Variants in TGDS observed in about 807,000 individuals in gnomAD.
The protein encoded by TGDS is TDP-glucose 4,6-dehydratase.
In TGDS, 47 loss-of-function variants were observed where a neutral mutation model predicts 52.3. That is an observed-to-expected ratio of 0.90 (90% CI 0.71 to 1.15). The LOEUF (loss-of-function observed/expected upper bound fraction) is 1.15. Ranked by LOEUF, TGDS falls within the 50% of genes most tolerant of loss-of-function variation. TGDS has a pLI of 0.00. For missense variants in TGDS, 375 were observed against 418.4 expected, an observed-to-expected ratio of 0.90 and a Z score of 0.90; for synonymous variants, 115 against 136.9, an observed-to-expected ratio of 0.84 and a Z score of 1.12.
At chr13:94,579,985 A>T in intron 6 of TGDS, 32 bp from the exon 7 acceptor site, 5 of 1,386,560 alleles carry the variant, frequency 3.6e-6, no homozygotes, top group Non-Finnish European at 5.1e-6. Flanking sequence ...AAGGCTTTTA[A>T]AAAGGTCTAA....
At chr13:94,586,700 A>G (rs1360050743) in intron 4 of TGDS, among the ~76,000 whole-genome samples, 1 of 151,862 alleles carries the variant, frequency 6.6e-6, no homozygotes, top group Admixed American at 6.6e-5. Context: ...ATGTTTGGAA[A>G]TTAAGACATA....
chr13:94,580,238 C>CG (rs1340597522), intron 6 of TGDS, among the ~76,000 whole-genome samples: 1 of 152,158 alleles, frequency 6.6e-6, no homozygotes, highest in African/African-American at 2.4e-5. Flanking sequence ...TAGCAAAACA[C>CG]GGAAGAACTT....
chr13:94,590,799 G>C, intron 4 of TGDS, 54 bp downstream of exon 4: 2 of 1,370,282 alleles, frequency 1.5e-6, no homozygotes, highest in Non-Finnish European at 2.0e-6. Flanking sequence ...TATTAGGGGG[G>C]CGAGGGCGGG....
intron 4 of TGDS, among the ~76,000 whole-genome samples, chr13:94,587,264 T>C (rs1889024087): frequency 6.6e-6 from 1 of 152,014 alleles, no homozygotes; most frequent in Non-Finnish European, 1.5e-5. Flanking sequence ...AATGAAATAA[T>C]AAAGGTAAGA....
intron 4 of TGDS, among the ~76,000 whole-genome samples, chr13:94,585,008 T>C (rs1435975681): frequency 6.6e-6 from 1 of 152,170 alleles, no homozygotes; most frequent in African/African-American, 2.4e-5. Flanking sequence ...GCACTTAACC[T>C]GGCTTTTCCA....
At chr13:94,579,813 A>AAT in intron 7 of TGDS, 81 bp downstream of exon 7, 1 of 778,230 alleles carries the variant, frequency 1.3e-6, no homozygotes, top group Non-Finnish European at 2.1e-6. Flanking sequence ...TATTTTAGAC[A>AAT]AATAACTGAA....
rs1004554821 is a variant in TGDS, at chr13:94,595,396, G to A, written c.86+655C>T. On this transcript the variant is annotated intron_variant, in intron 1 of 11. Coordinates refer to ENST00000261296, the MANE Select transcript of TGDS (RefSeq NM_014305.4). Reference sequence around the variant, plus strand: ...TTCTACCATGATCTGATTGACTTAAGAAACACTGACTTGTATGTGAGCAAC... The same window carrying A: ...TTCTACCATGATCTGATTGACTTAAAAAACACTGACTTGTATGTGAGCAAC... Among the ~76,000 whole-genome samples the A allele has an allele frequency of 2.6e-5, 4 of 152,176 alleles. No individual in the cohort carries two copies. The East Asian group carries it at 7.7e-4, about 29-fold the overall frequency.
chr13:94,581,954 C>T (rs756083300), intron 5 of TGDS, among the ~76,000 whole-genome samples: 18 of 152,152 alleles, frequency 1.2e-4, no homozygotes, highest in Admixed American at 3.9e-4. Context: ...AATCCCAGCA[C>T]TTTGGGAGGC....
At chr13:94,588,019 G>T (rs1244711621) in intron 4 of TGDS, among the ~76,000 whole-genome samples, 1 of 139,442 alleles carries the variant, frequency 7.2e-6, no homozygotes, top group Non-Finnish European at 1.6e-5. Context: ...AAAAAAAAAA[G>T]AGACAGAAAG....
chr13:94,583,535 A>T (rs557489718), intron 4 of TGDS, among the ~76,000 whole-genome samples: 34 of 152,156 alleles, frequency 2.2e-4, no homozygotes, highest in Admixed American at 4.6e-4. Context: ...TTTTTAAATT[A>T]AAAAAAATTA....
chr13:94,583,233 AGATC>A lies in TGDS; in HGVS notation c.314-1_316del, dbSNP rs749461160. 1.1e-5 allele frequency: 17 copies of A among 1,609,986 alleles called. No homozygotes were observed. In the African/African-American group the frequency reaches 2.3e-4, roughly 22 times the overall value. On this transcript the variant is annotated splice_acceptor_variant and coding_sequence_variant, in exon 5 of 12. Coordinates refer to ENST00000261296, the MANE Select transcript of TGDS (RefSeq NM_014305.4). LOFTEE classifies it high-confidence loss of function. ...AAACTCAAAGGCACGTACGAATGAA[AGATC>A]TAAAAGAAAAGAGTGAAAAGCTAAA...
chr13:94,578,313 T>G, intron 8 of TGDS, 143 bp from the exon 9 acceptor site: 4 of 878,734 alleles, frequency 4.6e-6, no homozygotes, highest in South Asian at 1.8e-5. Flanking sequence ...CTCGTAGCTT[T>G]TCTAAATTTT....
chr13:94,578,100 T>C lies in TGDS; in HGVS notation c.730A>G (p.Thr244Ala). Reference sequence around the variant, plus strand: ...CCTGGTTTCCCTTTTTTGAGGACAGTGAGAAATGCTTCTACAACATCAGTA... The same window carrying C: ...CCTGGTTTCCCTTTTTTGAGGACAGCGAGAAATGCTTCTACAACATCAGTA... ...YATDVVEAFL[T>A]VLKKGKPGEI... Residue 244 changes from threonine (T) to alanine (A), a missense_variant, in exon 9 of 12, where the codon ACT becomes GCT. Coordinates refer to ENST00000261296, the MANE Select transcript of TGDS (RefSeq NM_014305.4). The C allele has an allele frequency of 6.2e-7, 1 of 1,613,860 alleles. No individual in the cohort carries two copies. The highest frequency in any genetic ancestry group is 8.5e-7 in the Non-Finnish European group (1 of 1,179,882).
chr13:94,590,128 A>T (rs1409625465), intron 4 of TGDS, among the ~76,000 whole-genome samples: 1 of 149,720 alleles, frequency 6.7e-6, no homozygotes, highest in East Asian at 1.9e-4. Context: ...GGATTAATCT[A>T]CATCGATTTT....
intron 11 of TGDS, among the ~76,000 whole-genome samples, chr13:94,575,452 G>A (rs1263324819): frequency 6.6e-6 from 1 of 151,648 alleles, no homozygotes; most frequent in African/African-American, 2.4e-5. Flanking sequence ...ACCATGCCCC[G>A]CTGATTTTTT....
intron 2 of TGDS, 78 bp downstream of exon 2, chr13:94,593,763 G>A (rs1220539741): frequency 1.5e-5 from 16 of 1,060,176 alleles, no homozygotes; most frequent in Non-Finnish European, 2.3e-5. Context: ...ATATCAGCAT[G>A]ACAAGATTCT....
intron 1 of TGDS, among the ~76,000 whole-genome samples, chr13:94,594,259 A>G (rs1889299493): frequency 6.6e-6 from 1 of 152,258 alleles, no homozygotes; most frequent in Admixed American, 6.5e-5. Context: ...ACAACTGTAC[A>G]TGCCTATAGC....
intron 2 of TGDS, 107 bp downstream of exon 2, chr13:94,593,734 G>C: frequency 2.4e-6 from 2 of 840,168 alleles, no homozygotes; most frequent in South Asian, 3.1e-5. Context: ...TTGCTAAAAT[G>C]ACTAAATAAA....
chr13:94,582,377 G>C (rs1220490582), intron 5 of TGDS, among the ~76,000 whole-genome samples: 2 of 152,158 alleles, frequency 1.3e-5, no homozygotes, highest in Non-Finnish European at 2.9e-5. Context: ...AAAAAGGTGA[G>C]ATTTGCAATT....
Sources: gnomAD v4.1 joint callset for allele counts (sites outside exome capture counted in the v4.1 genomes callset) on GRCh38, gnomAD v4.1.1 for gene constraint, MANE v1.5 for transcripts, NCBI Gene and HGNC (gene_info 2026-07-23, HGNC 2026-07-21) for gene names.